Variants in FER observed in about 807,000 individuals in gnomAD.
The protein encoded by FER is tyrosine-protein kinase Fer.
In FER, 63 loss-of-function variants were observed where a neutral mutation model predicts 111.0. That is an observed-to-expected ratio of 0.57 (90% CI 0.46 to 0.70). FER has a LOEUF of 0.70. Ranked by LOEUF, FER falls within the 30% of genes least tolerant of loss-of-function variation. The probability of loss-of-function intolerance (pLI) is 0.00; values close to 1 mark genes in which losing one functional copy is unlikely to be tolerated. For missense variants in FER, 914 were observed against 954.0 expected, an observed-to-expected ratio of 0.96 and a Z score of 0.55; for synonymous variants, 327 against 313.9, an observed-to-expected ratio of 1.04 and a Z score of -0.44.
chr5:109,147,685 G>A (rs1176327732), intron 17 of FER, among the ~76,000 whole-genome samples: 1 of 151,612 alleles, frequency 6.6e-6, no homozygotes, highest in Non-Finnish European at 1.5e-5. Context: ...CAGGCCAGAT[G>A]TTAGAATCTA....
At chr5:108,959,983 T>G (rs2149669610) in intron 13 of FER, among the ~76,000 whole-genome samples, 1 of 152,238 alleles carries the variant, frequency 6.6e-6, no homozygotes, top group African/African-American at 2.4e-5. Flanking sequence ...GGACTTAAAC[T>G]GAAGTGGAAT....
chr5:109,042,777 G>A (rs559502069), intron 14 of FER, among the ~76,000 whole-genome samples: 8 of 152,188 alleles, frequency 5.3e-5, no homozygotes, highest in East Asian at 1.9e-4. Flanking sequence ...GGAGGTGGGC[G>A]TTTTCCACAG....
chr5:109,058,668 A>AG (rs144850423), intron 16 of FER, among the ~76,000 whole-genome samples: 24,336 of 148,988 alleles, frequency 0.16, 2,073 homozygotes, highest in South Asian at 0.21. Flanking sequence ...CAAAATAACA[A>AG]TTTGAAAAAT....
chr5:108,798,456 A>ATTC, intron 3 of FER, 67 bp downstream of exon 3: 4 of 1,193,878 alleles, frequency 3.4e-6, no homozygotes, highest in Non-Finnish European at 3.7e-6. Context: ...GCAATAGCTC[A>ATTC]AACTATTGAA....
chr5:109,133,357 C>G (rs1752567260), intron 17 of FER, among the ~76,000 whole-genome samples: 2 of 152,078 alleles, frequency 1.3e-5, no homozygotes, highest in South Asian at 4.1e-4. Flanking sequence ...CAACTTGCAG[C>G]AGCAGCAAAA....
intron 17 of FER, among the ~76,000 whole-genome samples, chr5:109,161,934 C>T (rs1293116536): frequency 1.3e-5 from 2 of 152,018 alleles, no homozygotes; most frequent in East Asian, 3.9e-4. Context: ...GCATCTGTTA[C>T]TTACTTTTTA....
At chr5:108,869,241 G>A (rs1383154812) in intron 6 of FER, among the ~76,000 whole-genome samples, 2 of 152,102 alleles carry the variant, frequency 1.3e-5, no homozygotes, top group Non-Finnish European at 2.9e-5. Context: ...TGTAGAGTTA[G>A]GAAGTACAGG....
chr5:108,970,475 C>T (rs999899598), intron 13 of FER, among the ~76,000 whole-genome samples: 5 of 152,126 alleles, frequency 3.3e-5, no homozygotes, highest in African/African-American at 1.2e-4. Flanking sequence ...CAGCCTCGGC[C>T]TCCCAAAGTG....
chr5:109,004,172 T>C (rs1350327580), intron 13 of FER, among the ~76,000 whole-genome samples: 1 of 152,184 alleles, frequency 6.6e-6, no homozygotes, highest in African/African-American at 2.4e-5. Context: ...AGAGCTATCC[T>C]ATGCTCTAAA....
intron 17 of FER, among the ~76,000 whole-genome samples, chr5:109,128,479 A>G (rs569291170): frequency 6.6e-6 from 1 of 152,292 alleles, no homozygotes; most frequent in East Asian, 1.9e-4. Flanking sequence ...TAATGTGATG[A>G]TATTTCTAAT....
At chr5:109,026,489 G>C (rs1211012738) in intron 13 of FER, among the ~76,000 whole-genome samples, 1 of 151,708 alleles carries the variant, frequency 6.6e-6, no homozygotes, top group African/African-American at 2.4e-5. Context: ...ATCAAATTCT[G>C]AATAATTCTT....
At chr5:108,748,200 T>A (rs1012999699) in intron 1 of FER, among the ~76,000 whole-genome samples, 200 bp downstream of exon 1, 28 of 152,218 alleles carry the variant, frequency 1.8e-4, no homozygotes, top group Admixed American at 5.2e-4. Flanking sequence ...TCCACGTTAA[T>A]AACAGATACA....
Position 109,033,554 on chromosome 5 carries a change from A to G in FER, c.1657-3868A>G, listed in dbSNP as rs148005660. Among the ~76,000 whole-genome samples, 770 of 152,268 alleles carry G rather than the reference A, an allele frequency of 5.1e-3. 7 individuals are homozygous for G. Among genetic ancestry groups the G allele is most frequent in the Middle Eastern group, 0.01 (3 of 294 alleles). On this transcript the variant is annotated intron_variant, in intron 13 of 19. Coordinates refer to ENST00000281092, the MANE Select transcript of FER (RefSeq NM_005246.4). ...TACTTTTGACTTGCCCTCTGAAACC[A>G]TTTCAGAGGCGTAAGTAAAGCTTTA... is the stretch of plus-strand genomic sequence containing the variant.
intron 16 of FER, chr5:109,051,355 C>T: frequency 6.2e-7 from 1 of 1,610,374 alleles, no homozygotes; most frequent in Non-Finnish European, 8.5e-7. Context: ...GCTGGCACGA[C>T]TGCTGGCTCT....
intron 13 of FER, among the ~76,000 whole-genome samples, chr5:108,999,207 A>G (rs1764394348): frequency 6.6e-6 from 1 of 151,886 alleles, no homozygotes; most frequent in African/African-American, 2.4e-5. Flanking sequence ...CTGTTACTTC[A>G]CTGTGCTATT....
At chr5:108,757,382 A>T (rs1401853912) in intron 1 of FER, among the ~76,000 whole-genome samples, 1 of 152,156 alleles carries the variant, frequency 6.6e-6, no homozygotes, top group Non-Finnish European at 1.5e-5. Flanking sequence ...TTTGTAAAAA[A>T]ATTTCCTGAA....
At chr5:109,146,288 A>ATATATC (rs1554148405) in intron 17 of FER, among the ~76,000 whole-genome samples, 6 of 115,414 alleles carry the variant, frequency 5.2e-5, no homozygotes, top group African/African-American at 1.8e-4. Context: ...ATATATATAT[A>ATATATC]TATCTTGGGT....
At chr5:109,135,668 T>G (rs2126602288) in intron 17 of FER, among the ~76,000 whole-genome samples, 1 of 152,246 alleles carries the variant, frequency 6.6e-6, no homozygotes, top group Non-Finnish European at 1.5e-5. Context: ...CAAGGACCAC[T>G]ATTATCCAGT....
In FER at chr5:108,954,764, G is replaced by A; in HGVS notation, c.1365G>A (p.Leu455=). ...SDMISISEKP[L]AEQDWYHGAI... is the part of the protein sequence containing the mutation. ...TGATCTCCATCAGTGAGAAGCCTTT[G>A]GCAGAACAGGACTGGTACCATGGTG... is the stretch of plus-strand genomic sequence containing the variant. Residue 455 remains leucine, a synonymous_variant, in exon 12 of 20, where the codon TTG becomes TTA. Coordinates refer to ENST00000281092, the MANE Select transcript of FER (RefSeq NM_005246.4). The A allele has an allele frequency of 6.2e-7, 1 of 1,606,818 alleles. No homozygotes were observed. Among genetic ancestry groups the A allele is most frequent in the Non-Finnish European group, 8.5e-7 (1 of 1,176,252 alleles).
Sources: gnomAD v4.1 joint callset for allele counts (sites outside exome capture counted in the v4.1 genomes callset) on GRCh38, gnomAD v4.1.1 for gene constraint, MANE v1.5 for transcripts, NCBI Gene and HGNC (gene_info 2026-07-23, HGNC 2026-07-21) for gene names.